Variants in SULF1 observed in about 807,000 individuals in gnomAD.
SULF1 encodes the protein sulfatase 1, also known as extracellular sulfatase Sulf-1.
In SULF1, 46 loss-of-function variants were observed where a neutral mutation model predicts 110.5. The ratio of observed to expected loss-of-function variants is 0.42; its 90% CI spans 0.33 to 0.53. SULF1 has a LOEUF of 0.53. Among genes scored for constraint, SULF1 ranks in the 20% least tolerant of loss-of-function variants. The probability of loss-of-function intolerance (pLI) is 0.12; values close to 1 mark genes in which losing one functional copy is unlikely to be tolerated. For synonymous variants in SULF1, 371 were observed against 387.1 expected (o/e 0.96, Z 0.49); for missense variants, 941 against 1,094.2 (o/e 0.86, Z 1.98).
intron 19 of SULF1, among the ~76,000 whole-genome samples, chr8:69,634,278 C>G (rs1048378158): frequency 3.3e-5 from 5 of 152,034 alleles, no homozygotes; most frequent in African/African-American, 1.2e-4. Flanking sequence ...TATCAAATCT[C>G]AAGTATTAAG....
chr8:69,470,073 C>T (rs1207970370), intron 1 of SULF1, among the ~76,000 whole-genome samples: 1 of 152,090 alleles, frequency 6.6e-6, no homozygotes, highest in Non-Finnish European at 1.5e-5. Flanking sequence ...AGCAAGATTT[C>T]TGATACTGAG....
At chr8:69,598,723 C>A (rs1807548037) in intron 8 of SULF1, among the ~76,000 whole-genome samples, 1 of 152,182 alleles carries the variant, frequency 6.6e-6, no homozygotes, top group Admixed American at 6.5e-5. Context: ...GTGCTATTAA[C>A]CCCATTTACA....
chr8:69,500,437 C>T (rs1000686443), intron 2 of SULF1, among the ~76,000 whole-genome samples: 5 of 152,336 alleles, frequency 3.3e-5, no homozygotes, highest in African/African-American at 1.2e-4. Flanking sequence ...CCAGACTCAG[C>T]TGCCCGGTAG....
At chr8:69,471,749 G>C (rs780245837) in intron 1 of SULF1, among the ~76,000 whole-genome samples, 5 of 152,124 alleles carry the variant, frequency 3.3e-5, no homozygotes, top group Admixed American at 6.6e-5. Context: ...CTTATCTTGG[G>C]AACATTTTAA....
chr8:69,564,156 C>T lies in SULF1; in HGVS notation c.172+9C>T. 2 of 1,613,872 alleles carry T rather than the reference C, an allele frequency of 1.2e-6. No individual in the cohort carries two copies. Among genetic ancestry groups the T allele is most frequent in the South Asian group, 1.1e-5 (1 of 91,064 alleles). ...TCAAGATGTGGAGCTGGGTGAGACA[C>T]TGGACTCTTCACTTGTTAGTCTCTT... On this transcript the variant is annotated intron_variant, in intron 5 of 22. Transcript: ENST00000402687.
chr8:69,620,726 C>T (rs1586568513), intron 13 of SULF1, among the ~76,000 whole-genome samples: 1 of 152,142 alleles, frequency 6.6e-6, no homozygotes, highest in African/African-American at 2.4e-5. Context: ...ACGGCTTTTA[C>T]GTGTTTCATT....
chr8:69,620,386 G>A (rs143157515), intron 13 of SULF1, among the ~76,000 whole-genome samples: 22 of 152,316 alleles, frequency 1.4e-4, no homozygotes, highest in East Asian at 9.6e-4. Context: ...GTAGATTCCC[G>A]GGCTTGAGGG....
chr8:69,574,683 A>T lies in SULF1; in HGVS notation c.173-1287A>T, dbSNP rs1423964218. On this transcript the variant is annotated intron_variant, in intron 5 of 22. Transcript: ENST00000402687. Reference sequence around the variant, plus strand: ...AGATCAGCCCGGAATGCTGAGGTTGATAGAATGTTTTGCATGAAGTAGGCA... The same window carrying T: ...AGATCAGCCCGGAATGCTGAGGTTGTTAGAATGTTTTGCATGAAGTAGGCA... Among the ~76,000 whole-genome samples, 4 of 152,178 alleles carry T rather than the reference A, an allele frequency of 2.6e-5. 1 individual carries two copies. The highest frequency in any genetic ancestry group is 2.6e-4 in the Admixed American group (4 of 15,270).
At chr8:69,479,917 C>T (rs923893112) in intron 1 of SULF1, among the ~76,000 whole-genome samples, 6 of 152,158 alleles carry the variant, frequency 3.9e-5, no homozygotes, top group African/African-American at 7.2e-5. Context: ...GAGTCCAGCT[C>T]CCTTTTCGAC....
intron 5 of SULF1, among the ~76,000 whole-genome samples, chr8:69,570,124 T>C (rs1805119055): frequency 6.6e-6 from 1 of 152,186 alleles, no homozygotes; most frequent in Non-Finnish European, 1.5e-5. Flanking sequence ...CCTTACTTCA[T>C]CATAAAAGAA....
At chr8:69,473,439 G>A (rs1809177101) in intron 1 of SULF1, 1 of 152,126 alleles carries the variant, frequency 6.6e-6, no homozygotes, top group South Asian at 2.1e-4. Flanking sequence ...TATAAATTTT[G>A]GGTCGTACTA....
intron 5 of SULF1, among the ~76,000 whole-genome samples, chr8:69,567,962 A>G (rs1204339608): frequency 6.6e-6 from 1 of 152,194 alleles, no homozygotes; most frequent in African/African-American, 2.4e-5. Context: ...AACTGAGCAC[A>G]AGTGTCATAA....
intron 3 of SULF1, among the ~76,000 whole-genome samples, chr8:69,559,102 C>A (rs1376483160): frequency 1.3e-5 from 2 of 152,090 alleles, no homozygotes; most frequent in East Asian, 3.9e-4. Context: ...GTAATAAAAT[C>A]CAGAATCACA....
intron 3 of SULF1, among the ~76,000 whole-genome samples, chr8:69,510,596 G>A (rs1811484980): frequency 6.9e-6 from 1 of 144,174 alleles, no homozygotes; most frequent in Non-Finnish European, 1.5e-5. Flanking sequence ...TTTTTGTGTT[G>A]GGTTTTTTGG....
intron 3 of SULF1, among the ~76,000 whole-genome samples, chr8:69,538,046 C>T (rs1364979012): frequency 1.3e-5 from 2 of 151,674 alleles, no homozygotes; most frequent in African/African-American, 4.8e-5. Context: ...CTGCAGGCTC[C>T]GCCCCCCGGG....
chr8:69,581,509 C>G (rs1207054257), intron 6 of SULF1, among the ~76,000 whole-genome samples: 1 of 152,122 alleles, frequency 6.6e-6, no homozygotes, highest in African/African-American at 2.4e-5. Context: ...TCTTAAACAG[C>G]TGTGAAGGGA....
At chr8:69,572,231 G>C (rs908656773) in intron 5 of SULF1, among the ~76,000 whole-genome samples, 1 of 152,188 alleles carries the variant, frequency 6.6e-6, no homozygotes, top group African/African-American at 2.4e-5. Context: ...CCAGCATTCA[G>C]CCTAGATAGA....
intron 12 of SULF1, 69 bp from the exon 13 acceptor site, chr8:69,604,733 AG>A (rs149602643): frequency 0.043 from 55,655 of 1,280,446 alleles, 8 homozygotes; most frequent in East Asian, 0.11. Flanking sequence ...AAAAAAAAAA[AG>A]GGGGCAGGAC....
intron 3 of SULF1, among the ~76,000 whole-genome samples, chr8:69,536,819 T>G (rs1813455405): frequency 2.0e-5 from 3 of 152,158 alleles, no homozygotes; most frequent in African/African-American, 4.8e-5. Context: ...CATGGAGTGG[T>G]AACTGCCAGG....
Sources: gnomAD v4.1 joint callset for allele counts (sites outside exome capture counted in the v4.1 genomes callset) on GRCh38, gnomAD v4.1.1 for gene constraint, MANE v1.5 for transcripts, NCBI Gene and HGNC (gene_info 2026-07-23, HGNC 2026-07-21) for gene names.